The following ABCA10 variants were observed in gnomAD, a reference collection of about 807,000 sequenced individuals.
ABCA10 encodes the protein ATP binding cassette subfamily A member 10.
ABCA10 carries 169 observed loss-of-function variants against 187.5 expected under a neutral mutation model. The observed-to-expected ratio is 0.90, with a 90% confidence interval of 0.80 to 1.02. The LOEUF (loss-of-function observed/expected upper bound fraction) is 1.02, where lower values mean the gene tolerates loss of function less well. Among genes scored for constraint, ABCA10 ranks in the 50% least tolerant of loss-of-function variants. The probability of loss-of-function intolerance (pLI) is 0.00; values close to 1 mark genes in which losing one functional copy is unlikely to be tolerated. For synonymous variants in ABCA10, 574 were observed against 601.8 expected (o/e 0.95, Z 0.68); for missense variants, 1,727 against 1,812.4 (o/e 0.95, Z 0.86).
At chr17:69,190,035 T>C (rs924246843) in intron 18 of ABCA10, among the ~76,000 whole-genome samples, 5 of 152,172 alleles carry the variant, frequency 3.3e-5, no homozygotes, top group African/African-American at 9.7e-5. Context: ...TAAGAGGCAA[T>C]AGCAGAATTC....
intron 10 of ABCA10, among the ~76,000 whole-genome samples, chr17:69,199,266 C>CTTATT (rs1555661735): frequency 3.3e-5 from 5 of 151,412 alleles, no homozygotes; most frequent in African/African-American, 1.2e-4. Flanking sequence ...AGCTCTACTA[C>CTTATT]TTATCAGTTA....
chr17:69,175,524 A>G lies in ABCA10; in HGVS notation c.2770-11T>C, dbSNP rs1174788921. The G allele has an allele frequency of 6.3e-7, 1 of 1,576,630 alleles. No homozygotes were observed. The highest frequency in any genetic ancestry group is 1.7e-5 in the Admixed American group (1 of 57,816). On this transcript the variant is annotated splice_polypyrimidine_tract_variant and intron_variant, in intron 22 of 38. Coordinates refer to ENST00000690296, the MANE Select transcript of ABCA10 (RefSeq NM_001377321.1). ...CAGCACTATGTCATCCTGAAAGATG[A>G]AAACACATCAGTAAGCTGTTGCAAT... is the stretch of plus-strand genomic sequence containing the variant.
At chr17:69,152,911 T>C (rs998411552) in intron 34 of ABCA10, among the ~76,000 whole-genome samples, 2 of 152,114 alleles carry the variant, frequency 1.3e-5, no homozygotes, top group Non-Finnish European at 2.9e-5. Flanking sequence ...ACCATATTAA[T>C]AGGCTTCATA....
intron 22 of ABCA10, among the ~76,000 whole-genome samples, chr17:69,180,158 T>A (rs962485077): frequency 3.9e-5 from 6 of 152,138 alleles, no homozygotes; most frequent in Admixed American, 3.3e-4. Context: ...AATAAAAAAA[T>A]TTTAAAGACA....
chr17:69,231,985 C>G (rs552326697), upstream of ABCA10, among the ~76,000 whole-genome samples: 4 of 152,158 alleles, frequency 2.6e-5, no homozygotes, highest in African/African-American at 9.6e-5. Context: ...GTACTGGCCT[C>G]TTTATCATTA....
intron 22 of ABCA10, among the ~76,000 whole-genome samples, chr17:69,177,725 G>A (rs1450548828): frequency 6.6e-6 from 1 of 151,526 alleles, no homozygotes; most frequent in African/African-American, 2.4e-5. Context: ...AGGCTGAGGC[G>A]GGTGGATCAC....
intron 25 of ABCA10, among the ~76,000 whole-genome samples, chr17:69,173,551 C>T (rs1598095534): frequency 1.3e-5 from 2 of 152,012 alleles, no homozygotes; most frequent in East Asian, 1.9e-4. Flanking sequence ...CTCTTTCTCA[C>T]CGCTGATCCC....
intron 20 of ABCA10, 140 bp downstream of exon 20, chr17:69,185,336 AT>A: frequency 1.3e-6 from 1 of 778,344 alleles, no homozygotes; most frequent in Non-Finnish European, 1.9e-6. Flanking sequence ...AAAAAAGAAA[AT>A]TAACCCATCA....
intron 1 of ABCA10, among the ~76,000 whole-genome samples, chr17:69,242,943 GT>G (rs768933016): frequency 2.0e-5 from 3 of 152,134 alleles, no homozygotes; most frequent in Non-Finnish European, 2.9e-5. Flanking sequence ...AAAAATCAAA[GT>G]TTGAACATAA....
chr17:69,244,626 T>C (rs550196910), exon 1 of ABCA10: 49 of 151,778 alleles, frequency 3.2e-4, no homozygotes, highest in Non-Finnish European at 5.5e-4. Context: ...AAAATCAATG[T>C]TAGCAAATTA....
chr17:69,212,415 T>C (rs1223502961), intron 9 of ABCA10, among the ~76,000 whole-genome samples: 1 of 152,190 alleles, frequency 6.6e-6, no homozygotes, highest in African/African-American at 2.4e-5. Flanking sequence ...GAATGTTCCA[T>C]GTGCTGATGA....
chr17:69,214,509 C>T (rs906749880), intron 9 of ABCA10, among the ~76,000 whole-genome samples, 195 bp downstream of exon 9: 5 of 93,398 alleles, frequency 5.4e-5, no homozygotes, highest in African/African-American at 8.5e-5. Context: ...AGCGAGACTC[C>T]GTCTCAAAAA....
At chr17:69,217,130 C>G (rs2074712248) in intron 6 of ABCA10, among the ~76,000 whole-genome samples, 1 of 151,790 alleles carries the variant, frequency 6.6e-6, no homozygotes. Context: ...ACCTGTAATC[C>G]CAACTACTAG....
intron 1 of ABCA10, among the ~76,000 whole-genome samples, chr17:69,239,348 A>C (rs1316295742): frequency 6.6e-6 from 1 of 152,196 alleles, no homozygotes; most frequent in Non-Finnish European, 1.5e-5. Flanking sequence ...CGTTGGAGAA[A>C]GAAACATGTG....
At chr17:69,228,356 T>C (rs1299241221) in intron 1 of ABCA10, among the ~76,000 whole-genome samples, 1 of 151,970 alleles carries the variant, frequency 6.6e-6, no homozygotes, top group African/African-American at 2.4e-5. Flanking sequence ...ATAATATTTA[T>C]ATACACCTCT....
intron 3 of ABCA10, among the ~76,000 whole-genome samples, chr17:69,224,382 G>A (rs10491177): frequency 0.4 from 60,440 of 151,830 alleles, 12,829 homozygotes; most frequent in Middle Eastern, 0.51. Flanking sequence ...CAGAATGAGG[G>A]CTAACAACAA....
At chr17:69,162,808 T>TATACATATACACATACATATAC (rs1416496054) in intron 27 of ABCA10, among the ~76,000 whole-genome samples, 2 of 126,274 alleles carry the variant, frequency 1.6e-5, no homozygotes, top group African/African-American at 6.6e-5. Context: ...AAAAATTACA[T>TATACATATACACATACATATAC]ATATACATAT....
rs2074432329 is a variant in ABCA10, at chr17:69,187,720, A to C, written c.2291T>G (p.Phe764Cys). 6.2e-7 allele frequency: 1 copy of C among 1,613,770 alleles called. No homozygotes were observed. Among genetic ancestry groups the C allele is most frequent in the Non-Finnish European group, 8.5e-7 (1 of 1,179,756 alleles). ...RQIYAVATLR[F>C]LKLRRERRAL... ...TCTCCTTTCACGCCTTAACTTTAAG[A>C]AGCGAAGTGTTGCCACTGCATAGAT... is the stretch of plus-strand genomic sequence containing the variant. Residue 764 changes from phenylalanine (F) to cysteine (C), a missense_variant, in exon 19 of 39, where the codon TTC becomes TGC. Coordinates refer to ENST00000690296, the MANE Select transcript of ABCA10 (RefSeq NM_001377321.1).
chr17:69,189,317 T>G (rs1415767079), intron 18 of ABCA10, among the ~76,000 whole-genome samples: 1 of 152,224 alleles, frequency 6.6e-6, no homozygotes, highest in African/African-American at 2.4e-5. Flanking sequence ...GTTGATTGCA[T>G]GTATGTATTC....
Sources: allele counts gnomAD v4.1 joint callset (sites outside exome capture counted in the v4.1 genomes callset), GRCh38; gene constraint gnomAD v4.1.1; transcripts MANE v1.5; gene names NCBI Gene and HGNC (gene_info 2026-07-23, HGNC 2026-07-21).